Variants in MYO5B observed in about 807,000 individuals in gnomAD.
The protein encoded by MYO5B is myosin VB, also known as unconventional myosin-Vb.
Under a neutral mutation model 229.3 loss-of-function variants are expected in MYO5B, and 143 were observed. That is an observed-to-expected ratio of 0.62 (90% CI 0.54 to 0.72). The LOEUF (loss-of-function observed/expected upper bound fraction) is 0.72. Among genes scored for constraint, MYO5B ranks in the 30% least tolerant of loss-of-function variants. The pLI, the probability that MYO5B is intolerant of heterozygous loss-of-function variation, is 0.00. For missense variants in MYO5B, 2,321 were observed against 2,331.0 expected, an observed-to-expected ratio of 1.00 and a Z score of 0.09; for synonymous variants, 918 against 885.2, an observed-to-expected ratio of 1.04 and a Z score of -0.66.
rs988682902 is a variant in MYO5B at position 50,055,490 on chromosome 18, C to T, written c.28-112G>A. The T allele has an allele frequency of 2.8e-5, 22 of 773,820 alleles. No homozygotes were observed. In the East Asian group the frequency reaches 2.9e-4, roughly 10 times the overall value. The allele number at this position is 773,820 out of a possible 1,614,324, so 47.9% of individuals were successfully genotyped here. On this transcript the variant is annotated intron_variant, in intron 1 of 39. Coordinates refer to ENST00000285039, the MANE Select transcript of MYO5B (RefSeq NM_001080467.3). ...AGGAGAACTTCTAAAGCTATCTGCA[C>T]ACATCTCCCCACCTTCTCATTTCAG... is the stretch of plus-strand genomic sequence containing the variant.
chr18:50,059,653 G>C (rs2030639474), intron 1 of MYO5B, among the ~76,000 whole-genome samples: 1 of 152,172 alleles, frequency 6.6e-6, no homozygotes. Context: ...AGAATGAAGT[G>C]AACCCCCTGT....
chr18:49,952,561 T>A (rs2025441658), intron 14 of MYO5B, among the ~76,000 whole-genome samples: 1 of 152,202 alleles, frequency 6.6e-6, no homozygotes, highest in Admixed American at 6.5e-5. Flanking sequence ...GTCTTGCTCA[T>A]CTTTGTGTGA....
chr18:49,999,381 G>A (rs530325421), intron 5 of MYO5B, among the ~76,000 whole-genome samples: 4 of 152,228 alleles, frequency 2.6e-5, no homozygotes, highest in African/African-American at 9.6e-5. Flanking sequence ...GTCCACAAAC[G>A]GCTTCCGACC....
chr18:49,896,857 G>T (rs2024784685), intron 21 of MYO5B, among the ~76,000 whole-genome samples: 1 of 152,194 alleles, frequency 6.6e-6, no homozygotes, highest in African/African-American at 2.4e-5. Flanking sequence ...CTCTATCCTT[G>T]ATCAGCTGTG....
chr18:49,921,710 G>T (rs948977062), intron 17 of MYO5B, among the ~76,000 whole-genome samples: 1 of 152,142 alleles, frequency 6.6e-6, no homozygotes, highest in African/African-American at 2.4e-5. Flanking sequence ...TTTGGGGAAG[G>T]GGGGTAAGAA....
chr18:50,148,096 C>A (rs8091385), intron 1 of MYO5B, among the ~76,000 whole-genome samples: 35,758 of 143,420 alleles, frequency 0.25, 4,601 homozygotes, highest in East Asian at 0.41. Flanking sequence ...GAAATGGATA[C>A]ATTCCTCGAC....
At chr18:50,044,581 G>C (rs920450857) in intron 2 of MYO5B, among the ~76,000 whole-genome samples, 2 of 152,254 alleles carry the variant, frequency 1.3e-5, no homozygotes. Context: ...AGCAGGACTA[G>C]ATGAGTGAGA....
At chr18:49,982,058 T>C (rs1009828591) in intron 8 of MYO5B, among the ~76,000 whole-genome samples, 2 of 152,148 alleles carry the variant, frequency 1.3e-5, no homozygotes, top group Admixed American at 1.3e-4. Context: ...ATATACTCCC[T>C]AGACAGTAGC....
intron 14 of MYO5B, among the ~76,000 whole-genome samples, chr18:49,944,374 C>T (rs2025347965): frequency 6.6e-6 from 1 of 152,070 alleles, no homozygotes; most frequent in South Asian, 2.1e-4. Flanking sequence ...TCTTTCTAAA[C>T]AGATCCCTGG....
Position 50,194,817 on chromosome 18 carries a change from GC to G in MYO5B, c.-25del, listed in dbSNP as rs1437934546. ...ATGGCCCGGGCCGGGCGGGGCTCGG[GC>G]CCCGGCTCCTGGCTGCCCCGCGGCT... On this transcript the variant is annotated 5_prime_UTR_variant, in exon 1 of 40. Coordinates refer to ENST00000285039, the MANE Select transcript of MYO5B (RefSeq NM_001080467.3). 5.3e-6 allele frequency: 7 copies of G among 1,322,444 alleles called. No homozygotes were observed. The South Asian group carries it at 6.2e-5, about 12-fold the overall frequency. The allele number at this position is 1,322,444 out of a possible 1,614,324, so 81.9% of individuals were successfully genotyped here. A position where few individuals can be genotyped will look rare whatever the true frequency, so the allele number is the denominator to read the frequency against.
chr18:49,950,952 T>C (rs1790777), intron 14 of MYO5B, among the ~76,000 whole-genome samples: 88,681 of 152,018 alleles, frequency 0.58, 26,402 homozygotes, highest in Middle Eastern at 0.7. Context: ...AAATTGTTCA[T>C]GCAAACAATA....
chr18:50,002,226 G>T (rs1320873558), intron 4 of MYO5B, among the ~76,000 whole-genome samples: 1 of 151,978 alleles, frequency 6.6e-6, no homozygotes, highest in Non-Finnish European at 1.5e-5. Context: ...TTTCATATAG[G>T]TAGGTCACAA....
rs749988696 is a variant in MYO5B, at chr18:49,974,419, T to C, written c.1253A>G (p.Glu418Gly). 1.2e-6 allele frequency: 2 copies of C among 1,614,042 alleles called. No individual in the cohort carries two copies. Among genetic ancestry groups the C allele is most frequent in the South Asian group, 1.1e-5 (1 of 91,078 alleles). ...IYAQLFGWIV[E>G]HINKALHTSL... ...GGTGTGCAGGGCCTTGTTGATGTGCTCCACAATCCAGCCGAACAACTGGGC... is the reference window on the plus strand; with the variant it reads ...GGTGTGCAGGGCCTTGTTGATGTGCCCCACAATCCAGCCGAACAACTGGGC... The change falls in exon 10 of 40, where the codon GAG becomes GGG. Residue 418 changes from glutamate to glycine, a missense_variant. Glu to Gly is a moderately conservative substitution (Grantham distance 98). Coordinates refer to ENST00000285039, the MANE Select transcript of MYO5B (RefSeq NM_001080467.3).
At chr18:50,035,716 G>T (rs932157532) in intron 4 of MYO5B, among the ~76,000 whole-genome samples, 4 of 152,176 alleles carry the variant, frequency 2.6e-5, no homozygotes, top group Non-Finnish European at 4.4e-5. Context: ...CTTTCTTTTG[G>T]CATTAGAGAA....
intron 5 of MYO5B, among the ~76,000 whole-genome samples, chr18:49,997,703 TGCA>T (rs1206211816): frequency 6.6e-6 from 1 of 152,142 alleles, no homozygotes; most frequent in Non-Finnish European, 1.5e-5. Flanking sequence ...ATCATCCCAG[TGCA>T]CCCCAGCCAA....
chr18:49,917,924 C>T (rs539798551), intron 17 of MYO5B, among the ~76,000 whole-genome samples: 1 of 152,138 alleles, frequency 6.6e-6, no homozygotes, highest in South Asian at 2.1e-4. Context: ...AGCTCAGGAC[C>T]CGTGACTGCT....
At chr18:49,871,078 C>T (rs1429078689) in intron 27 of MYO5B, among the ~76,000 whole-genome samples, 1 of 152,114 alleles carries the variant, frequency 6.6e-6, no homozygotes, top group African/African-American at 2.4e-5. Context: ...AAGTGTGATC[C>T]CTATACACAC....
intron 4 of MYO5B, among the ~76,000 whole-genome samples, chr18:50,023,775 T>C (rs1446382822): frequency 6.6e-6 from 1 of 152,098 alleles, no homozygotes; most frequent in Non-Finnish European, 1.5e-5. Context: ...GGCTGGTATC[T>C]CTTCACCTCT....
chr18:50,181,408 A>G (rs1408594352), intron 1 of MYO5B, among the ~76,000 whole-genome samples: 5 of 152,222 alleles, frequency 3.3e-5, no homozygotes, highest in Non-Finnish European at 7.3e-5. Flanking sequence ...AGGCCTCACA[A>G]AATTGGCATC....
Sources: gnomAD v4.1 joint callset for allele counts (sites outside exome capture counted in the v4.1 genomes callset) on GRCh38, gnomAD v4.1.1 for gene constraint, MANE v1.5 for transcripts, NCBI Gene and HGNC (gene_info 2026-07-23, HGNC 2026-07-21) for gene names.